Variants in VKORC1L1 observed in about 807,000 individuals in gnomAD.
VKORC1L1 encodes vitamin K epoxide reductase complex subunit 1L1, also known as vitamin K epoxide reductase complex subunit 1-like protein 1.
VKORC1L1 carries 2 observed loss-of-function variants against 18.9 expected under a neutral mutation model. That is an observed-to-expected ratio of 0.11 (90% confidence interval 0.04 to 0.33). The LOEUF is 0.33. Among genes scored for constraint, VKORC1L1 ranks in the 10% least tolerant of loss-of-function variants. The pLI is 1.00. For missense variants in VKORC1L1, 123 were observed against 224.1 expected (o/e 0.55, Z 2.88); for synonymous variants, 96 against 100.0 (o/e 0.96, Z 0.24).
intron 1 of VKORC1L1, among the ~76,000 whole-genome samples, chr7:65,889,303 A>G (rs1309927003): frequency 6.6e-6 from 1 of 152,118 alleles, no homozygotes; most frequent in Non-Finnish European, 1.5e-5. Context: ...CCTACTAGAC[A>G]TCTCTACTTG....
intron 1 of VKORC1L1, among the ~76,000 whole-genome samples, chr7:65,904,377 G>T (rs1271781370): frequency 6.6e-6 from 1 of 152,042 alleles, no homozygotes; most frequent in Non-Finnish European, 1.5e-5. Flanking sequence ...GCTAATTTTT[G>T]TATTTTTAGT....
In VKORC1L1 at chr7:65,877,398, A is replaced by C. The variant is rs186583855; in HGVS notation, c.194+3833A>C. ...CTCGCTGCTCTGTCACCCGGACTGG[A>C]GTGCAGTGGCATGATCTCAGCTCAC... On this transcript the variant is annotated intron_variant, in intron 1 of 2. Coordinates refer to ENST00000360768, the MANE Select transcript of VKORC1L1 (RefSeq NM_173517.6). 1.5e-3 allele frequency among the ~76,000 whole-genome samples: 230 copies of C among 150,712 alleles called. 2 individuals are homozygous for C. Among genetic ancestry groups the C allele is most frequent in the African/African-American group, 5.0e-3 (204 of 40,944 alleles).
intron 1 of VKORC1L1, 61 bp downstream of exon 1, chr7:65,873,626 G>T: frequency 7.1e-7 from 1 of 1,400,964 alleles, no homozygotes; most frequent in Admixed American, 2.6e-5. Flanking sequence ...GAGTCTCGGG[G>T]TGGGGAGCGC....
chr7:65,928,436 T>C (rs938762551), intron 1 of VKORC1L1, among the ~76,000 whole-genome samples: 6 of 152,058 alleles, frequency 3.9e-5, no homozygotes, highest in African/African-American at 1.4e-4. Context: ...ACTCCTGGCA[T>C]GTGTTTATTC....
chr7:65,885,431 A>G (rs1450862407), intron 1 of VKORC1L1, among the ~76,000 whole-genome samples: 2 of 150,640 alleles, frequency 1.3e-5, no homozygotes, highest in Admixed American at 1.3e-4. Context: ...TCATTATTCA[A>G]CTGGAAAATC....
chr7:65,896,006 C>T (rs1240349352), intron 1 of VKORC1L1, among the ~76,000 whole-genome samples: 4 of 150,408 alleles, frequency 2.7e-5, no homozygotes, highest in Non-Finnish European at 4.4e-5. Flanking sequence ...AGCGATTCTC[C>T]TGCCTCAGCT....
At chr7:65,918,820 C>T (rs1789629396) in intron 1 of VKORC1L1, among the ~76,000 whole-genome samples, 3 of 152,276 alleles carry the variant, frequency 2.0e-5, no homozygotes, top group East Asian at 1.9e-4. Flanking sequence ...ACAGGCGGGA[C>T]GCGGTGGCTC....
At chr7:65,909,133 C>T (rs554877277) in intron 1 of VKORC1L1, among the ~76,000 whole-genome samples, 15 of 126,114 alleles carry the variant, frequency 1.2e-4, no homozygotes, top group Middle Eastern at 9.3e-3. Flanking sequence ...TGAGCCACCA[C>T]GCCCAGCCTA....
At chr7:65,869,406 C>T (rs1377098279), upstream of VKORC1L1, among the ~76,000 whole-genome samples, 1 of 152,120 alleles carries the variant, frequency 6.6e-6, no homozygotes. Context: ...GAATTTGCCA[C>T]AGAGGGCAAG....
upstream of VKORC1L1, among the ~76,000 whole-genome samples, chr7:65,872,928 G>T (rs1479892239): frequency 4.0e-5 from 6 of 151,168 alleles, no homozygotes; most frequent in East Asian, 9.7e-4. Context: ...AGTCCCTCCC[G>T]CACTGGCCCG....
At chr7:65,873,859 G>C (rs1788777178) in intron 1 of VKORC1L1, among the ~76,000 whole-genome samples, 1 of 152,028 alleles carries the variant, frequency 6.6e-6, no homozygotes, top group Non-Finnish European at 1.5e-5. Context: ...GGTCGGGCGG[G>C]CTGGGGCCCG....
chr7:65,869,893 G>A (rs902647784), upstream of VKORC1L1, among the ~76,000 whole-genome samples: 5 of 151,254 alleles, frequency 3.3e-5, no homozygotes, highest in Admixed American at 1.3e-4. Flanking sequence ...GGCCTCAAGC[G>A]ATTCTCCCAC....
At chr7:65,907,002 TTAC>T (rs1488463649) in intron 1 of VKORC1L1, among the ~76,000 whole-genome samples, 3 of 152,198 alleles carry the variant, frequency 2.0e-5, no homozygotes, top group Non-Finnish European at 2.9e-5. Context: ...ACTAGTGTAT[TTAC>T]TCAAAATAGG....
At chr7:65,934,095 A>C (rs1789902291) in intron 1 of VKORC1L1, among the ~76,000 whole-genome samples, 1 of 152,172 alleles carries the variant, frequency 6.6e-6, no homozygotes, top group Non-Finnish European at 1.5e-5. Flanking sequence ...TCAGTTTTCT[A>C]AAAATTTTAA....
intron 1 of VKORC1L1, among the ~76,000 whole-genome samples, chr7:65,911,761 A>G (rs542688613): frequency 6.6e-6 from 1 of 152,256 alleles, no homozygotes; most frequent in Non-Finnish European, 1.5e-5. Flanking sequence ...CTTATTCTCA[A>G]TTTCTGAACT....
intron 1 of VKORC1L1, among the ~76,000 whole-genome samples, chr7:65,908,574 A>G (rs1789445236): frequency 6.6e-6 from 1 of 152,234 alleles, no homozygotes; most frequent in African/African-American, 2.4e-5. Flanking sequence ...ATGGTGGCTC[A>G]TGCCTGTAAT....
chr7:65,879,685 C>CTTCCTTTCCTTTCCT (rs1554393367), intron 1 of VKORC1L1, among the ~76,000 whole-genome samples: 1 of 151,552 alleles, frequency 6.6e-6, no homozygotes, highest in Non-Finnish European at 1.5e-5. Context: ...CACCCTCCTT[C>CTTCCTTTCCTTTCCT]TTCCTTTCCT....
rs555717616 is a variant in VKORC1L1, at chr7:65,876,459, G to A, written c.194+2894G>A. On this transcript the variant is annotated intron_variant, in intron 1 of 2. Transcript: ENST00000360768. The stretch of plus-strand genomic sequence containing the variant: ...AGAGGTTGCAGTAAGCCAAGATCGC[G>A]CCATTGCACTCCAGCCTGTGTGACA... 5.3e-5 allele frequency among the ~76,000 whole-genome samples: 8 copies of A among 150,600 alleles called. No homozygotes were observed. In the South Asian group the frequency reaches 1.5e-3, roughly 28 times the overall value.
chr7:65,895,894 CTTT>C (rs899804086), intron 1 of VKORC1L1, among the ~76,000 whole-genome samples: 2 of 113,276 alleles, frequency 1.8e-5, no homozygotes, highest in African/African-American at 3.5e-5. Context: ...TATCTCACTT[CTTT>C]TTTTTTTTTT....
Sources: allele counts gnomAD v4.1 joint callset (sites outside exome capture counted in the v4.1 genomes callset), GRCh38; gene constraint gnomAD v4.1.1; transcripts MANE v1.5; gene names NCBI Gene and HGNC (gene_info 2026-07-23, HGNC 2026-07-21).